KCNG3: variants seen among roughly 807,000 people sequenced by gnomAD.
KCNG3 encodes potassium voltage-gated channel modifier subfamily G member 3.
A neutral mutation model predicts 29.0 loss-of-function variants in KCNG3; 15 were observed. The ratio of observed to expected loss-of-function variants is 0.52; its 90% CI spans 0.35 to 0.80. The LOEUF is 0.80. Ranked by LOEUF, KCNG3 falls within the 30% of genes least tolerant of loss-of-function variation. KCNG3 has a pLI of 0.01. For synonymous variants in KCNG3, 322 were observed against 248.9 expected, an observed-to-expected ratio of 1.29 and a Z score of -2.76; for missense variants, 512 against 605.7, an observed-to-expected ratio of 0.85 and a Z score of 1.62.
the KCNG3 span, among the ~76,000 whole-genome samples, chr2:42,421,237 T>C: frequency 4.6e-5 from 7 of 152,238 alleles, no homozygotes; most frequent in South Asian, 8.3e-4. Flanking sequence ...TGTGCTGGCC[T>C]CTGTGCTAAG....
At position 42,493,078 on chromosome 2, in the gene KCNG3, G is replaced by A. The variant is rs1446759119; in HGVS notation, c.424C>T (p.Pro142Ser). The A allele has an allele frequency of 3.9e-6, 6 of 1,553,122 alleles. No homozygotes were observed. Among genetic ancestry groups the A allele is most frequent in the East Asian group, 2.4e-5 (1 of 41,758 alleles). Residue 142 changes from proline (P) to serine (S), a missense_variant, in exon 1 of 2, where the codon CCC becomes TCC. By Grantham distance (74) the Pro-to-Ser change is moderately conservative (BLOSUM62 -1). Coordinates refer to ENST00000306078, the MANE Select transcript of KCNG3 (RefSeq NM_133329.6). ...GAGGGAGCCGCCTCGGCCCCGCCGG[G>A]GCGCGCCTCGTCGCGGCCCAGCACG... ...PGVLGRDEAR[P>S]GGAEAAPSRR...
chr2:42,418,404 T>C, the KCNG3 span, among the ~76,000 whole-genome samples: 1 of 152,196 alleles, frequency 6.6e-6, no homozygotes, highest in Non-Finnish European at 1.5e-5. Context: ...TTTCTTGATC[T>C]AGAAGTACCC....
the KCNG3 span, among the ~76,000 whole-genome samples, chr2:42,434,611 A>T: frequency 6.9e-6 from 1 of 144,600 alleles, no homozygotes; most frequent in African/African-American, 2.5e-5. Flanking sequence ...GGTTGCAGTG[A>T]GCCGAGATCG....
Position 42,443,215 on chromosome 2 carries a change from C to T in KCNG3, c.*719G>A, listed in dbSNP as rs780879562. 1 of 152,156 alleles carries T rather than the reference C, an allele frequency of 6.6e-6. No homozygotes were observed. Among genetic ancestry groups the T allele is most frequent in the Non-Finnish European group, 1.5e-5 (1 of 68,004 alleles). 9.4% of individuals were successfully genotyped at this position (152,156 alleles called of 1,614,324 possible). A position where few individuals can be genotyped will look rare whatever the true frequency, so the allele number is the denominator to read the frequency against. On this transcript the variant is annotated 3_prime_UTR_variant, in exon 2 of 2. Coordinates refer to ENST00000306078, the MANE Select transcript of KCNG3 (RefSeq NM_133329.6). ...AAATATTATCCAGTAAGATGCTAAA[C>T]AACACAAGCTCTCGTCAATTCTTAA... is the stretch of plus-strand genomic sequence containing the variant.
At chr2:42,388,636 C>T in the KCNG3 span, 1 of 152,144 alleles carries the variant, frequency 6.6e-6, no homozygotes, top group Non-Finnish European at 1.5e-5. Flanking sequence ...CTTCTTGTCT[C>T]TTCTTGTGAG....
chr2:42,429,350 T>C, the KCNG3 span, among the ~76,000 whole-genome samples: 4 of 152,290 alleles, frequency 2.6e-5, no homozygotes, highest in East Asian at 7.7e-4. Context: ...ATGACTTCAA[T>C]TCAAACACTC....
chr2:42,478,683 C>T (rs926377815), intron 1 of KCNG3, among the ~76,000 whole-genome samples: 2 of 152,212 alleles, frequency 1.3e-5, no homozygotes, highest in African/African-American at 2.4e-5. Flanking sequence ...CTGTCCCCCA[C>T]CTGCACTGCC....
chr2:42,444,511 T>C lies in KCNG3; in HGVS notation c.734A>G (p.Asn245Ser). The C allele has an allele frequency of 6.2e-7, 1 of 1,614,082 alleles. No homozygotes were observed. The highest frequency in any genetic ancestry group is 8.5e-7 in the Non-Finnish European group (1 of 1,179,944). The stretch of plus-strand genomic sequence containing the variant: ...GGGTCTCTTGACAAACTCACACTTG[T>C]TTTTGGAGACAATGAACCTCACGAT... ...ECIVRFIVSKNKCEFVKRPLN... is the reference protein window; with the variant it reads ...ECIVRFIVSKSKCEFVKRPLN... Residue 245 changes from asparagine to serine, a missense_variant, in exon 2 of 2, where the codon AAC (asparagine) becomes AGC (serine). Physicochemically the swap from Asn to Ser is conservative, Grantham distance 46. Around this residue, in one of 5 missense-constraint regions of KCNG3, gnomAD observed 173 missense variants for 262.4 expected, o/e 0.66. Transcript: ENST00000306078. The surrounding 1 kb of genome is among the most constrained non-coding windows in gnomAD (Gnocchi z 5.8).
intron 1 of KCNG3, among the ~76,000 whole-genome samples, chr2:42,476,680 G>A (rs1673435204): frequency 6.7e-6 from 1 of 149,874 alleles, no homozygotes; most frequent in African/African-American, 2.5e-5. Flanking sequence ...AGTAGAGACG[G>A]GGTTTCACCA....
At chr2:42,460,587 G>A (rs1457099019) in intron 1 of KCNG3, among the ~76,000 whole-genome samples, 1 of 152,120 alleles carries the variant, frequency 6.6e-6, no homozygotes, top group Non-Finnish European at 1.5e-5. Flanking sequence ...GGAGACCACG[G>A]AAAGCTTCTT....
At chr2:42,485,984 C>T (rs972179887) in intron 1 of KCNG3, among the ~76,000 whole-genome samples, 1 of 152,158 alleles carries the variant, frequency 6.6e-6, no homozygotes, top group East Asian at 1.9e-4. Context: ...TTATCTTTAA[C>T]AGGTGAGACA....
the KCNG3 span, among the ~76,000 whole-genome samples, chr2:42,422,226 G>A: frequency 6.6e-6 from 1 of 152,126 alleles, no homozygotes; most frequent in Admixed American, 6.5e-5. Flanking sequence ...ACCTTTAAGG[G>A]GTGATTAGGA....
the KCNG3 span, among the ~76,000 whole-genome samples, chr2:42,418,380 T>C: frequency 6.6e-6 from 1 of 152,212 alleles, no homozygotes; most frequent in Non-Finnish European, 1.5e-5. Flanking sequence ...ACATTTCAGC[T>C]ACTGTCACTG....
In KCNG3 at chr2:42,452,243, A is replaced by ATTT. The variant is rs771771721; in HGVS notation, c.666-7667_666-7665dup. On this transcript the variant is annotated intron_variant, in intron 1 of 1. Transcript: ENST00000306078. ...TAAATATATATATATATATATATAT[A>ATTT]TTTTTTTTTTTTTTTTAAAGGAAAC... Among the ~76,000 whole-genome samples the ATTT allele has an allele frequency of 6.3e-4, 60 of 95,008 alleles. 1 individual carries two copies. The highest frequency in any genetic ancestry group is 5.5e-3 in the East Asian group (12 of 2,170). 62.3% of individuals were successfully genotyped at this position (95,008 alleles called of 152,430 possible).
At chr2:42,411,189 A>G in the KCNG3 span, among the ~76,000 whole-genome samples, 94,759 of 151,986 alleles carry the variant, frequency 0.62, 30,200 homozygotes, top group East Asian at 0.77. Context: ...TTTGAGGGCT[A>G]AGTGTTTTAA....
In KCNG3 at chr2:42,444,589, G is replaced by A. The variant is rs1192582716; in HGVS notation, c.666-10C>T. 1.9e-6 allele frequency: 3 copies of A among 1,586,522 alleles called. No homozygotes were observed. Among genetic ancestry groups the A allele is most frequent in the Admixed American group, 1.8e-5 (1 of 54,774 alleles). ...GATAGCTTCAATTATCCTGTCAAGA[G>A]AACAAAAGAAGAATTGATCATTTTA... On this transcript the variant is annotated splice_polypyrimidine_tract_variant and intron_variant, in intron 1 of 1. Coordinates refer to ENST00000306078, the MANE Select transcript of KCNG3 (RefSeq NM_133329.6). This position sits in a 1 kb window ranked among gnomAD's most constrained non-coding sequence, Gnocchi z 5.8.
chr2:42,452,478 A>G (rs1417576389), intron 1 of KCNG3, among the ~76,000 whole-genome samples: 1 of 147,804 alleles, frequency 6.8e-6, no homozygotes, highest in Non-Finnish European at 1.5e-5. Context: ...CTTTCTAACT[A>G]TTTTTTTTTT....
chr2:42,432,925 C>T, the KCNG3 span, among the ~76,000 whole-genome samples: 1 of 125,928 alleles, frequency 7.9e-6, no homozygotes, highest in Non-Finnish European at 1.6e-5. Context: ...AGTCAATATG[C>T]TTTTATGATA....
rs531634622 is a variant in KCNG3, at chr2:42,493,223, G to T, written c.279C>A (p.Ser93=). ...CCCAGTAGATCATCTCGTTGTAGAAGGAGAGCTCGCACATCCGCGGCGCGA... is the reference window on the plus strand; with the variant it reads ...CCCAGTAGATCATCTCGTTGTAGAATGAGAGCTCGCACATCCGCGGCGCGA... ...LRFAPRMCEL[S]FYNEMIYWGL... is the part of the protein sequence containing the mutation. The change falls in exon 1 of 2, where the codon TCC becomes TCA. Residue 93 remains serine (S), a synonymous_variant. Transcript: ENST00000306078. 6.2e-6 allele frequency: 10 copies of T among 1,611,652 alleles called. No individual in the cohort carries two copies. The South Asian group carries it at 1.1e-4, about 18-fold the overall frequency.
Sources: allele counts gnomAD v4.1 joint callset (sites outside exome capture counted in the v4.1 genomes callset), GRCh38; gene constraint gnomAD v4.1.1; regional missense constraint gnomAD v4.1.1; non-coding constraint Gnocchi (gnomAD v3.1); transcripts MANE v1.5; gene names NCBI Gene and HGNC (gene_info 2026-07-23, HGNC 2026-07-21).